Variants in TMEM131L observed in about 807,000 individuals in gnomAD.
The protein encoded by TMEM131L is transmembrane protein 131-like.
TMEM131L carries 54 observed loss-of-function variants against 192.2 expected under a neutral mutation model. The observed-to-expected ratio is 0.28, with a 90% CI of 0.23 to 0.35. The LOEUF is 0.35. TMEM131L is among the 10% of genes least tolerant of loss of function. The pLI is 1.00. For synonymous variants in TMEM131L, 701 were observed against 704.9 expected (o/e 0.99, Z 0.09); for missense variants, 1,888 against 1,972.9 (o/e 0.96, Z 0.82).
intron 25 of TMEM131L, among the ~76,000 whole-genome samples, chr4:153,608,785 T>A (rs182963863): frequency 6.6e-6 from 1 of 152,382 alleles, no homozygotes; most frequent in African/African-American, 2.4e-5. Context: ...AGTACAACTT[T>A]AAGCAGGTTA....
chr4:153,596,441 A>G (rs912358129), intron 20 of TMEM131L, 56 bp downstream of exon 20: 3 of 1,595,154 alleles, frequency 1.9e-6, no homozygotes, highest in Admixed American at 3.4e-5. Context: ...ATCTGTGTAA[A>G]TCTCTTTAGC....
chr4:153,615,530 A>G (rs774235708), intron 26 of TMEM131L, among the ~76,000 whole-genome samples: 35 of 152,214 alleles, frequency 2.3e-4, no homozygotes, highest in Admixed American at 5.9e-4. Flanking sequence ...GGGTGCAGGT[A>G]TAGCAAGTAT....
At chr4:153,593,946 A>C in intron 19 of TMEM131L, 75 bp downstream of exon 19, 1 of 935,078 alleles carries the variant, frequency 1.1e-6, no homozygotes. Context: ...TCATTGATTT[A>C]TGTTTAAAAT....
At chr4:153,595,749 T>C (rs1578827871) in intron 19 of TMEM131L, among the ~76,000 whole-genome samples, 1 of 146,064 alleles carries the variant, frequency 6.8e-6, no homozygotes, top group African/African-American at 2.5e-5. Flanking sequence ...TTGGAGAAAA[T>C]AGAGGAAGAT....
intron 3 of TMEM131L, among the ~76,000 whole-genome samples, chr4:153,529,126 C>T (rs568633637): frequency 3.3e-5 from 5 of 152,200 alleles, no homozygotes; most frequent in African/African-American, 9.6e-5. Flanking sequence ...AATTTTATCT[C>T]GGTGCTTATG....
Position 153,603,927 on chromosome 4 carries a change from A to G in TMEM131L, c.2915A>G (p.Tyr972Cys), listed in dbSNP as rs748142322. The change falls in exon 25 of 35, where the codon TAT becomes TGT. Residue 972 changes from tyrosine to cysteine, a missense_variant. Coordinates refer to ENST00000409959, the MANE Select transcript of TMEM131L (RefSeq NM_001131007.2). The part of the protein sequence containing the change: ...QNAAKRSPAT[Y>C]GHSQKKHKCS... The stretch of plus-strand genomic sequence containing the variant: ...GCTGCAAAGAGGAGCCCAGCCACCT[A>G]TGGTCATTCTCAGAAGAAGCACAAA... 7.4e-6 allele frequency: 12 copies of G among 1,613,970 alleles called. No homozygotes were observed. The highest frequency in any genetic ancestry group is 1.6e-4 in the Middle Eastern group (1 of 6,084).
At chr4:153,606,499 A>G (rs961848984) in intron 25 of TMEM131L, among the ~76,000 whole-genome samples, 1 of 152,212 alleles carries the variant, frequency 6.6e-6, no homozygotes, top group Non-Finnish European at 1.5e-5. Flanking sequence ...AGGTCAGAGG[A>G]TTTGAATTCT....
In TMEM131L at chr4:153,634,263, A is replaced by G; in HGVS notation, c.4400A>G (p.Tyr1467Cys). ...TACTGTCCATTGGAATTGAACGATT[A>G]CAATGCCTTTCCAGAAGGTAAGGGC... ...SAYCPLELND[Y>C]NAFPEENMNY... Residue 1467 changes from tyrosine (Y) to cysteine (C), a missense_variant, in exon 33 of 35, where the codon TAC becomes TGC. Coordinates refer to ENST00000409959, the MANE Select transcript of TMEM131L (RefSeq NM_001131007.2). 9.9e-6 allele frequency: 16 copies of G among 1,613,212 alleles called. No homozygotes were observed. The highest frequency in any genetic ancestry group is 1.4e-5 in the Non-Finnish European group (16 of 1,179,178).
Position 153,636,513 on chromosome 4 carries a change from C to T in TMEM131L, c.4770C>T (p.Thr1590=). ...RAYMNLDIWT[T]TANRNANFPL... ...ATATGAACCTGGACATATGGACTACCACAGCGAATAGGAATGCAAATTTCC... is the reference window on the plus strand; with the variant it reads ...ATATGAACCTGGACATATGGACTACTACAGCGAATAGGAATGCAAATTTCC... Residue 1590 remains threonine, a synonymous_variant, in exon 35 of 35, where the codon ACC becomes ACT. Coordinates refer to ENST00000409959, the MANE Select transcript of TMEM131L (RefSeq NM_001131007.2). The T allele has an allele frequency of 3.1e-6, 5 of 1,614,178 alleles. No individual in the cohort carries two copies. The highest frequency in any genetic ancestry group is 3.4e-6 in the Non-Finnish European group (4 of 1,180,026).
chr4:153,517,338 A>G (rs1008988027), intron 3 of TMEM131L, among the ~76,000 whole-genome samples: 3 of 152,010 alleles, frequency 2.0e-5, no homozygotes, highest in Admixed American at 6.5e-5. Context: ...TCTTCCCTCA[A>G]CTGCACAGGC....
chr4:153,622,221 C>A (rs1733475160), intron 28 of TMEM131L, among the ~76,000 whole-genome samples: 1 of 152,168 alleles, frequency 6.6e-6, no homozygotes, highest in Non-Finnish European at 1.5e-5. Context: ...ATGCTGCTGC[C>A]CCACCCAAGG....
At chr4:153,593,907 G>T in intron 19 of TMEM131L, 36 bp downstream of exon 19, 1 of 1,342,646 alleles carries the variant, frequency 7.4e-7, no homozygotes, top group South Asian at 1.2e-5. Flanking sequence ...AAAGAATGCC[G>T]ACAAACTAGA....
chr4:153,556,284 C>G (rs1184412491), intron 5 of TMEM131L, among the ~76,000 whole-genome samples: 1 of 152,102 alleles, frequency 6.6e-6, no homozygotes, highest in Non-Finnish European at 1.5e-5. Flanking sequence ...TGGTTGAGAC[C>G]TCTTCCATCT....
chr4:153,575,093 T>C (rs1729846688), intron 7 of TMEM131L, among the ~76,000 whole-genome samples: 1 of 152,256 alleles, frequency 6.6e-6, no homozygotes, highest in Admixed American at 6.5e-5. Context: ...TGGATTAATA[T>C]AGATTCTCAA....
chr4:153,591,575 G>A (rs1293566633), intron 17 of TMEM131L, among the ~76,000 whole-genome samples: 2 of 152,122 alleles, frequency 1.3e-5, no homozygotes, highest in African/African-American at 2.4e-5. Flanking sequence ...TCCATCCTTA[G>A]CGTGTTGACT....
chr4:153,635,691 T>G (rs1302449476), intron 34 of TMEM131L, 120 bp downstream of exon 34: 8 of 1,186,258 alleles, frequency 6.7e-6, no homozygotes, highest in Non-Finnish European at 8.2e-6. Context: ...AAGCCTGGCT[T>G]GCTTCTTTTA....
chr4:153,483,458 G>T (rs1393157472), intron 3 of TMEM131L, among the ~76,000 whole-genome samples: 1 of 152,094 alleles, frequency 6.6e-6, no homozygotes, highest in Admixed American at 6.5e-5. Context: ...CACTTTGAGA[G>T]GCTGAGGTGG....
chr4:153,482,039 G>T (rs1158993267), intron 3 of TMEM131L, among the ~76,000 whole-genome samples: 2 of 151,862 alleles, frequency 1.3e-5, no homozygotes, highest in South Asian at 4.2e-4. Context: ...TAGAGATAGG[G>T]TTTCACCATG....
intron 3 of TMEM131L, among the ~76,000 whole-genome samples, chr4:153,487,286 C>T (rs1349283095): frequency 6.6e-6 from 1 of 152,152 alleles, no homozygotes; most frequent in Admixed American, 6.5e-5. Flanking sequence ...GCCTGACTTA[C>T]CACCACTGGC....
Sources: gnomAD v4.1 joint callset for allele counts (sites outside exome capture counted in the v4.1 genomes callset) on GRCh38, gnomAD v4.1.1 for gene constraint, MANE v1.5 for transcripts, NCBI Gene and HGNC (gene_info 2026-07-23, HGNC 2026-07-21) for gene names.